Variants in SUGCT observed in about 807,000 individuals in gnomAD.
The protein encoded by SUGCT is succinyl-CoA:glutarate-CoA transferase.
In SUGCT, 41 loss-of-function variants were observed where a neutral mutation model predicts 55.0. The observed-to-expected ratio is 0.74, with a 90% CI of 0.58 to 0.97. The LOEUF (loss-of-function observed/expected upper bound fraction) is 0.97. Ranked by LOEUF, SUGCT falls within the 50% of genes least tolerant of loss-of-function variation. SUGCT has a pLI of 0.00. For synonymous variants in SUGCT, 187 were observed against 200.4 expected, an observed-to-expected ratio of 0.93 and a Z score of 0.56; for missense variants, 568 against 547.8, an observed-to-expected ratio of 1.04 and a Z score of -0.37.
intron 9 of SUGCT, among the ~76,000 whole-genome samples, chr7:40,332,972 C>G (rs1796412034): frequency 6.6e-6 from 1 of 152,044 alleles, no homozygotes; most frequent in South Asian, 2.1e-4. Context: ...ATCTAGACAG[C>G]AAATTAACAG....
chr7:40,718,140 G>A (rs1355200991), intron 12 of SUGCT, among the ~76,000 whole-genome samples: 1 of 152,132 alleles, frequency 6.6e-6, no homozygotes, highest in Non-Finnish European at 1.5e-5. Context: ...TTCATGCAAA[G>A]CAATAAGCAT....
chr7:40,321,366 C>T (rs566245786), intron 9 of SUGCT, among the ~76,000 whole-genome samples: 3 of 151,746 alleles, frequency 2.0e-5, no homozygotes, highest in Admixed American at 6.6e-5. Flanking sequence ...CATGAGCCAC[C>T]GTGCCCAGCC....
At chr7:40,298,692 T>C (rs978166949) in intron 8 of SUGCT, among the ~76,000 whole-genome samples, 1 of 152,138 alleles carries the variant, frequency 6.6e-6, no homozygotes, top group African/African-American at 2.4e-5. Context: ...TCAGACATTC[T>C]TACTGAAATA....
At chr7:40,218,932 A>G in intron 6 of SUGCT, among the ~76,000 whole-genome samples, 1 of 152,186 alleles carries the variant, frequency 6.6e-6, no homozygotes, top group Non-Finnish European at 1.5e-5. Flanking sequence ...AGTGGCGGAA[A>G]TCCGTTGGGG....
At chr7:40,976,193 G>T in the SUGCT span, among the ~76,000 whole-genome samples, 1 of 152,210 alleles carries the variant, frequency 6.6e-6, no homozygotes, top group Non-Finnish European at 1.5e-5. Context: ...CTTGGAGGAG[G>T]TGAGTGCGTT....
At chr7:40,138,033 T>G (rs1787787097) in intron 1 of SUGCT, among the ~76,000 whole-genome samples, 1 of 152,168 alleles carries the variant, frequency 6.6e-6, no homozygotes, top group Non-Finnish European at 1.5e-5. Context: ...AGTGCAGTTT[T>G]GCTACATTGA....
At chr7:41,018,627 A>T in the SUGCT span, among the ~76,000 whole-genome samples, 1 of 152,020 alleles carries the variant, frequency 6.6e-6, no homozygotes, top group African/African-American at 2.4e-5. Flanking sequence ...AGAATGATTT[A>T]AAAAAAACAA....
intron 9 of SUGCT, among the ~76,000 whole-genome samples, chr7:40,328,039 A>G (rs1339540365): frequency 1.3e-5 from 2 of 152,192 alleles, no homozygotes; most frequent in Non-Finnish European, 2.9e-5. Flanking sequence ...ATTGTACTGT[A>G]TAGGCAGATG....
Position 40,559,964 on chromosome 7 carries a change from A to G in SUGCT, c.1089+63578A>G, listed in dbSNP as rs180772743. On this transcript the variant is annotated intron_variant, in intron 12 of 13. Coordinates refer to ENST00000335693, the MANE Select transcript of SUGCT (RefSeq NM_001193313.2). The stretch of plus-strand genomic sequence containing the variant: ...AAAAGTTTTGGTATCTGGATAGGCA[A>G]TGATATATTTTAACCTTTTCTATTT... 5.3e-5 allele frequency among the ~76,000 whole-genome samples: 8 copies of G among 152,354 alleles called. No individual in the cohort carries two copies. The East Asian group carries it at 1.2e-3, about 22-fold the overall frequency.
At chr7:40,248,556 A>C (rs1790069793) in intron 7 of SUGCT, among the ~76,000 whole-genome samples, 1 of 151,678 alleles carries the variant, frequency 6.6e-6, no homozygotes, top group South Asian at 2.1e-4. Context: ...CTACATGCGC[A>C]ATTATTATTG....
chr7:40,960,785 T>C, the SUGCT span, among the ~76,000 whole-genome samples: 1 of 152,188 alleles, frequency 6.6e-6, no homozygotes, highest in Non-Finnish European at 1.5e-5. Context: ...TTACATCTCA[T>C]TTATGTTTCC....
intron 9 of SUGCT, among the ~76,000 whole-genome samples, chr7:40,346,413 CAG>C (rs952836861): frequency 4.5e-4 from 69 of 152,034 alleles, no homozygotes; most frequent in African/African-American, 1.6e-3. Flanking sequence ...TCATTCCTAA[CAG>C]AGAGAAAATT....
intron 9 of SUGCT, among the ~76,000 whole-genome samples, chr7:40,357,867 A>G (rs1797954285): frequency 6.6e-6 from 1 of 152,148 alleles, no homozygotes; most frequent in Admixed American, 6.5e-5. Context: ...GGGTCATCCA[A>G]AAATGGACAG....
intron 1 of SUGCT, among the ~76,000 whole-genome samples, chr7:40,180,192 C>T (rs1044669952): frequency 8.6e-5 from 13 of 151,460 alleles, no homozygotes; most frequent in African/African-American, 3.2e-4. Context: ...GGCTCGATCT[C>T]GGCTCGCTAC....
At chr7:40,642,010 G>A (rs970853036) in intron 12 of SUGCT, among the ~76,000 whole-genome samples, 1 of 152,136 alleles carries the variant, frequency 6.6e-6, no homozygotes, top group Non-Finnish European at 1.5e-5. Context: ...AATGTAGTGC[G>A]ATGATGATAA....
the SUGCT span, among the ~76,000 whole-genome samples, chr7:40,869,525 A>G: frequency 6.6e-6 from 1 of 152,212 alleles, no homozygotes; most frequent in Admixed American, 6.5e-5. Context: ...GCTTGATTTC[A>G]GTCTTGTGAT....
At chr7:40,669,139 G>A (rs1801803045) in intron 12 of SUGCT, among the ~76,000 whole-genome samples, 1 of 152,010 alleles carries the variant, frequency 6.6e-6, no homozygotes, top group Admixed American at 6.6e-5. Flanking sequence ...CTACTGGGAA[G>A]CCAGAACTCC....
chr7:40,906,832 T>C, the SUGCT span, among the ~76,000 whole-genome samples: 1 of 152,160 alleles, frequency 6.6e-6, no homozygotes, highest in African/African-American at 2.4e-5. Flanking sequence ...AATAAGCACA[T>C]TGATTGCTGC....
At chr7:41,000,775 G>A in the SUGCT span, among the ~76,000 whole-genome samples, 5 of 152,068 alleles carry the variant, frequency 3.3e-5, no homozygotes, top group African/African-American at 4.8e-5. Flanking sequence ...TTCATGGACC[G>A]GAGAAAAGAT....
Sources: allele counts gnomAD v4.1 joint callset (sites outside exome capture counted in the v4.1 genomes callset), GRCh38; gene constraint gnomAD v4.1.1; transcripts MANE v1.5; gene names NCBI Gene and HGNC (gene_info 2026-07-23, HGNC 2026-07-21).